The following RFFL variants were observed in gnomAD, a reference collection of about 807,000 sequenced individuals.
RFFL encodes the protein E3 ubiquitin-protein ligase rififylin.
Under a neutral mutation model 40.4 loss-of-function variants are expected in RFFL, and 16 were observed. The observed-to-expected ratio is 0.40, with a 90% CI of 0.27 to 0.60. The LOEUF is 0.60. Among genes scored for constraint, RFFL ranks in the 20% least tolerant of loss-of-function variants. RFFL has a pLI of 0.47. For synonymous variants in RFFL, 154 were observed against 167.9 expected (o/e 0.92, Z 0.64); for missense variants, 367 against 451.7 (o/e 0.81, Z 1.70).
At chr17:35,037,351 A>C (rs1480051474) in intron 1 of RFFL, among the ~76,000 whole-genome samples, 1 of 152,252 alleles carries the variant, frequency 6.6e-6, no homozygotes, top group African/African-American at 2.4e-5. Flanking sequence ...TCATTAGTAC[A>C]GAATGGGCTT....
intron 1 of RFFL, among the ~76,000 whole-genome samples, chr17:35,056,059 G>A (rs573543704): frequency 9.2e-5 from 14 of 152,140 alleles, no homozygotes; most frequent in African/African-American, 1.9e-4. Flanking sequence ...TCAGGAGGAC[G>A]GATTTGCAGT....
chr17:35,073,549 G>C (rs1298738879), intron 1 of RFFL, among the ~76,000 whole-genome samples: 1 of 152,138 alleles, frequency 6.6e-6, no homozygotes, highest in Non-Finnish European at 1.5e-5. Context: ...CATCCTCACA[G>C]GACTTCATAT....
intron 1 of RFFL, among the ~76,000 whole-genome samples, chr17:35,044,248 A>T (rs2091183796): frequency 6.6e-6 from 1 of 152,000 alleles, no homozygotes; most frequent in Non-Finnish European, 1.5e-5. Context: ...CTAATTTTTT[A>T]TTTTTATTTT....
chr17:35,081,490 A>C (rs2091402922), intron 1 of RFFL, among the ~76,000 whole-genome samples: 1 of 152,218 alleles, frequency 6.6e-6, no homozygotes, highest in Middle Eastern at 3.2e-3. Context: ...TGTAACTGTA[A>C]TATACTTAGG....
intron 1 of RFFL, among the ~76,000 whole-genome samples, chr17:35,041,653 G>A (rs1011111955): frequency 1.1e-4 from 16 of 151,460 alleles, no homozygotes; most frequent in South Asian, 4.2e-4. Context: ...TCCTCATGTC[G>A]GTGATACTTG....
rs1272471116 is a variant in RFFL, at chr17:35,010,121, G to A, written c.*1847C>T. 6.6e-6 allele frequency: 1 copy of A among 152,308 alleles called. No homozygotes were observed. Among genetic ancestry groups the A allele is most frequent in the Non-Finnish European group, 1.5e-5 (1 of 68,042 alleles). 9.4% of individuals were successfully genotyped at this position (152,308 alleles called of 1,614,324 possible). A position where few individuals can be genotyped will look rare whatever the true frequency, so the allele number is the denominator to read the frequency against. On this transcript the variant is annotated 3_prime_UTR_variant, in exon 7 of 7. Coordinates refer to ENST00000394597, the MANE Select transcript of RFFL (RefSeq NM_001017368.2). ...TTCATTCCTCCAAAGGGGTTTAGTG[G>A]TTGGTGATGGAAGAAAGCATAAATA...
intron 1 of RFFL, among the ~76,000 whole-genome samples, chr17:35,043,118 T>G (rs9902515): frequency 0.026 from 3,893 of 152,236 alleles, 168 homozygotes; most frequent in African/African-American, 0.087. Context: ...TTATTTTAGG[T>G]CTAAAGTTTA....
chr17:35,018,281 T>C (rs1026394901), intron 3 of RFFL, among the ~76,000 whole-genome samples: 2 of 152,240 alleles, frequency 1.3e-5, no homozygotes, highest in African/African-American at 4.8e-5. Context: ...AGTATTTTAA[T>C]GTATCTAAGA....
intron 6 of RFFL, among the ~76,000 whole-genome samples, chr17:35,013,407 T>C (rs1168353257): frequency 6.6e-6 from 1 of 152,182 alleles, no homozygotes; most frequent in Non-Finnish European, 1.5e-5. Flanking sequence ...GAAAAAATAA[T>C]GTTCAAAAGC....
At chr17:35,024,894 TTAAC>T (rs1157869924) in intron 2 of RFFL, among the ~76,000 whole-genome samples, 1 of 152,190 alleles carries the variant, frequency 6.6e-6, no homozygotes, top group Non-Finnish European at 1.5e-5. Flanking sequence ...TTGCACAAAA[TTAAC>T]TCATACTTTT....
At chr17:35,079,176 C>T (rs1475547535) in intron 1 of RFFL, among the ~76,000 whole-genome samples, 1 of 152,126 alleles carries the variant, frequency 6.6e-6, no homozygotes. Context: ...GCACGCACCA[C>T]CATGCCTGGC....
intron 1 of RFFL, among the ~76,000 whole-genome samples, chr17:35,072,545 T>A (rs2091355956): frequency 6.6e-6 from 1 of 150,748 alleles, no homozygotes; most frequent in Non-Finnish European, 1.5e-5. Context: ...AATCCATACA[T>A]GTGATAAAAC....
At chr17:35,055,856 T>C (rs1446729049) in intron 1 of RFFL, among the ~76,000 whole-genome samples, 1 of 152,088 alleles carries the variant, frequency 6.6e-6, no homozygotes, top group Non-Finnish European at 1.5e-5. Flanking sequence ...GCTTGAGATA[T>C]TTTTCAGATC....
chr17:35,042,337 G>GGTAC (rs1283488111), intron 1 of RFFL: 1 of 152,140 alleles, frequency 6.6e-6, no homozygotes, highest in Non-Finnish European at 1.5e-5. Context: ...ACCTGCCTGA[G>GGTAC]GTACCCACCC....
At chr17:35,067,406 C>G (rs1242709299), upstream of RFFL, among the ~76,000 whole-genome samples, 1 of 151,208 alleles carries the variant, frequency 6.6e-6, no homozygotes, top group East Asian at 1.9e-4. Context: ...ACGTGAGTCA[C>G]CATGCCTGGC....
upstream of RFFL, among the ~76,000 whole-genome samples, chr17:35,065,833 C>T (rs1341299687): frequency 6.6e-6 from 1 of 152,178 alleles, no homozygotes; most frequent in African/African-American, 2.4e-5. Flanking sequence ...CATTTTAGAG[C>T]TTAAAAAGGT....
intron 2 of RFFL, 104 bp downstream of exon 2, chr17:35,026,270 T>A: frequency 1.7e-6 from 2 of 1,148,080 alleles, no homozygotes; most frequent in East Asian, 5.2e-5. Context: ...GTCACCAGCA[T>A]CACACAGGGA....
At chr17:35,045,135 C>T (rs2091191071) in intron 1 of RFFL, among the ~76,000 whole-genome samples, 1 of 152,146 alleles carries the variant, frequency 6.6e-6, no homozygotes. Flanking sequence ...GGAACAACAA[C>T]AGGCAAGGTC....
chr17:35,069,448 C>T, intron 1 of RFFL: 1 of 401,526 alleles, frequency 2.5e-6, no homozygotes, highest in South Asian at 1.8e-5. Context: ...TACGACTGCA[C>T]AGCTTGAATG....
Sources: allele counts gnomAD v4.1 joint callset (sites outside exome capture counted in the v4.1 genomes callset), GRCh38; gene constraint gnomAD v4.1.1; transcripts MANE v1.5; gene names NCBI Gene and HGNC (gene_info 2026-07-23, HGNC 2026-07-21).